The following NRG3 variants were observed in gnomAD, a reference collection of about 807,000 sequenced individuals.
NRG3 encodes the protein pro-neuregulin-3, membrane-bound isoform.
Under a neutral mutation model 66.9 loss-of-function variants are expected in NRG3, and 31 were observed. That is an observed-to-expected ratio of 0.46 (90% CI 0.35 to 0.63). The LOEUF (loss-of-function observed/expected upper bound fraction) is 0.63, where lower values mean the gene tolerates loss of function less well. Among genes scored for constraint, NRG3 ranks in the 20% least tolerant of loss-of-function variants. NRG3 has a pLI of 0.00. For synonymous variants in NRG3, 393 were observed against 359.4 expected, an observed-to-expected ratio of 1.09 and a Z score of -1.06; for missense variants, 910 against 878.9, an observed-to-expected ratio of 1.04 and a Z score of -0.45.
intron 1 of NRG3, among the ~76,000 whole-genome samples, chr10:82,041,792 A>G (rs7089098): frequency 0.89 from 134,636 of 151,708 alleles, 60,884 homozygotes; most frequent in South Asian, 0.99. Flanking sequence ...TGCCATATGA[A>G]AGAAGAATGG....
intron 3 of NRG3, among the ~76,000 whole-genome samples, chr10:82,747,666 T>C (rs1213281946): frequency 2.0e-5 from 3 of 152,070 alleles, no homozygotes; most frequent in African/African-American, 7.2e-5. Flanking sequence ...TTGCTCACTT[T>C]GAAATACTAT....
At chr10:82,330,073 A>G (rs1269058376) in intron 1 of NRG3, among the ~76,000 whole-genome samples, 2 of 152,210 alleles carry the variant, frequency 1.3e-5, no homozygotes, top group Non-Finnish European at 2.9e-5. Flanking sequence ...TTTTCCATAT[A>G]TGGATCTTTT....
chr10:82,190,089 G>A (rs1004398809), intron 1 of NRG3, among the ~76,000 whole-genome samples: 1 of 152,148 alleles, frequency 6.6e-6, no homozygotes, highest in African/African-American at 2.4e-5. Context: ...CCCTGACTTG[G>A]TCATTGCAGG....
In NRG3 at chr10:82,951,596, TA is replaced by T. The variant is rs1849518361; in HGVS notation, c.1157+28del. ...AGTAAGACTATTTCTCTCAAGTGTT[TA>T]AAGGTTACTTTTAGAGAAAGCGCTT... On this transcript the variant is annotated intron_variant, in intron 5 of 8. Coordinates refer to ENST00000372141, the MANE Select transcript of NRG3 (RefSeq NM_001010848.4). 2 of 1,588,486 alleles carry T rather than the reference TA, an allele frequency of 1.3e-6. 1 individual carries two copies. The highest frequency in any genetic ancestry group is 4.5e-5 in the East Asian group (2 of 44,690).
At position 82,690,451 on chromosome 10, in the gene NRG3, T is replaced by C. The variant is rs1167115047; in HGVS notation, c.954-48126T>C. ...ATTTCATGCAGGCAGGAGTGGAGAGTGGCTCTAGTGTGCATGCTATCCTCA... is the reference window on the plus strand; with the variant it reads ...ATTTCATGCAGGCAGGAGTGGAGAGCGGCTCTAGTGTGCATGCTATCCTCA... On this transcript the variant is annotated intron_variant, in intron 2 of 8. Transcript: ENST00000372141. 2.6e-5 allele frequency among the ~76,000 whole-genome samples: 4 copies of C among 152,164 alleles called. No individual in the cohort carries two copies. In the East Asian group the frequency reaches 7.7e-4, roughly 29 times the overall value.
chr10:82,066,319 T>A (rs1274083809), intron 1 of NRG3, among the ~76,000 whole-genome samples: 1 of 152,232 alleles, frequency 6.6e-6, no homozygotes, highest in Non-Finnish European at 1.5e-5. Context: ...TTTCATGTAT[T>A]ATATATGCAT....
intron 2 of NRG3, among the ~76,000 whole-genome samples, chr10:82,516,132 T>C (rs1845626411): frequency 6.6e-6 from 1 of 151,842 alleles, no homozygotes; most frequent in South Asian, 2.1e-4. Context: ...TTTTGAATGG[T>C]TGGAACATTG....
chr10:82,341,292 A>T (rs1285816482), intron 1 of NRG3, among the ~76,000 whole-genome samples: 2 of 152,128 alleles, frequency 1.3e-5, no homozygotes, highest in Non-Finnish European at 2.9e-5. Flanking sequence ...GTAGCTTAAA[A>T]GAGTCCAAAA....
chr10:82,248,055 C>T (rs2077321920), intron 1 of NRG3, among the ~76,000 whole-genome samples: 1 of 152,152 alleles, frequency 6.6e-6, no homozygotes, highest in African/African-American at 2.4e-5. Flanking sequence ...ACAGAATCAT[C>T]TCTGTCCAAT....
Position 82,728,758 on chromosome 10 carries a change from G to C in NRG3, c.954-9819G>C, listed in dbSNP as rs376143672. 2.6e-5 allele frequency among the ~76,000 whole-genome samples: 4 copies of C among 152,236 alleles called. No individual in the cohort carries two copies. In the East Asian group the frequency reaches 7.7e-4, roughly 29 times the overall value. The stretch of plus-strand genomic sequence containing the variant: ...TATGATTGGCTAATTTCTCAATTTT[G>C]ATCATATCATAAATCAGAACAATAA... On this transcript the variant is annotated intron_variant, in intron 2 of 8. Coordinates refer to ENST00000372141, the MANE Select transcript of NRG3 (RefSeq NM_001010848.4).
chr10:82,062,365 G>T (rs2064201483), intron 1 of NRG3, among the ~76,000 whole-genome samples: 1 of 152,126 alleles, frequency 6.6e-6, no homozygotes, highest in Admixed American at 6.6e-5. Flanking sequence ...CAGCAGTTTG[G>T]GAGGCCAAGG....
intron 2 of NRG3, among the ~76,000 whole-genome samples, chr10:82,462,948 G>T (rs1447011301): frequency 6.6e-6 from 1 of 152,154 alleles, no homozygotes; most frequent in African/African-American, 2.4e-5. Context: ...GAGCCAGGGA[G>T]ATATAGGGCT....
intron 2 of NRG3, among the ~76,000 whole-genome samples, chr10:82,527,411 G>C (rs1846823609): frequency 6.6e-6 from 1 of 152,120 alleles, no homozygotes; most frequent in Non-Finnish European, 1.5e-5. Context: ...AAAGATAGTG[G>C]CTGTTTGCAC....
intron 4 of NRG3, among the ~76,000 whole-genome samples, chr10:82,908,599 C>T (rs979438463): frequency 4.5e-4 from 68 of 152,176 alleles, no homozygotes; most frequent in African/African-American, 1.4e-3. Flanking sequence ...AGAACACCCA[C>T]GCTAACTCCT....
chr10:82,689,510 T>TA (rs1036330026), intron 2 of NRG3, among the ~76,000 whole-genome samples: 14 of 152,298 alleles, frequency 9.2e-5, no homozygotes, highest in Middle Eastern at 3.4e-3. Flanking sequence ...CAGGAATGAC[T>TA]AAAGCCTACT....
intron 3 of NRG3, among the ~76,000 whole-genome samples, chr10:82,757,178 A>C (rs2059115155): frequency 6.6e-6 from 1 of 152,080 alleles, no homozygotes; most frequent in Non-Finnish European, 1.5e-5. Context: ...AATGAGCAAA[A>C]AACGATAGTC....
intron 2 of NRG3, among the ~76,000 whole-genome samples, chr10:82,435,590 A>T (rs1428554171): frequency 3.3e-5 from 5 of 151,976 alleles, no homozygotes; most frequent in Admixed American, 3.3e-4. Context: ...ATTTACTGCT[A>T]TATATTTCCC....
chr10:82,303,866 C>CA (rs565793679), intron 1 of NRG3, among the ~76,000 whole-genome samples: 1 of 151,508 alleles, frequency 6.6e-6, no homozygotes, highest in African/African-American at 2.4e-5. Flanking sequence ...GACCCTGTCT[C>CA]AAAAAATAAA....
At chr10:82,193,166 G>A (rs989518328) in intron 1 of NRG3, among the ~76,000 whole-genome samples, 4 of 152,034 alleles carry the variant, frequency 2.6e-5, no homozygotes, top group Admixed American at 6.5e-5. Flanking sequence ...CTTTTTAGAC[G>A]GAGTCTCACT....
Sources: gnomAD v4.1 joint callset for allele counts (sites outside exome capture counted in the v4.1 genomes callset) on GRCh38, gnomAD v4.1.1 for gene constraint, MANE v1.5 for transcripts, NCBI Gene and HGNC (gene_info 2026-07-23, HGNC 2026-07-21) for gene names.